Variants in FOXN3 observed in about 807,000 individuals in gnomAD.
FOXN3 encodes forkhead box N3.
Under a neutral mutation model 38.4 loss-of-function variants are expected in FOXN3, and 7 were observed. The observed-to-expected ratio is 0.18, with a 90% confidence interval of 0.10 to 0.34. The LOEUF is 0.34. Ranked by LOEUF, FOXN3 falls within the 10% of genes least tolerant of loss-of-function variation. The pLI is 1.00. For missense variants in FOXN3, 456 were observed against 613.4 expected (o/e 0.74, Z 2.71); for synonymous variants, 230 against 242.2 (o/e 0.95, Z 0.47).
intron 1 of FOXN3, among the ~76,000 whole-genome samples, chr14:89,496,715 TA>T (rs1319290664): frequency 1.3e-5 from 2 of 152,200 alleles, no homozygotes; most frequent in African/African-American, 2.4e-5. Context: ...AATATATTCA[TA>T]ATGACATGCA....
At chr14:89,193,197 C>A (rs993693147) in intron 4 of FOXN3, among the ~76,000 whole-genome samples, 2 of 151,938 alleles carry the variant, frequency 1.3e-5, no homozygotes, top group African/African-American at 4.8e-5. Context: ...GCAGGTGACT[C>A]GTACCCAAAG....
At chr14:89,546,551 A>C (rs1047801628) in intron 1 of FOXN3, among the ~76,000 whole-genome samples, 1 of 150,652 alleles carries the variant, frequency 6.6e-6, no homozygotes, top group African/African-American at 2.4e-5. Context: ...GGATGGTCTC[A>C]ATCTCTTGAC....
chr14:89,463,092 G>T (rs560996817), intron 1 of FOXN3, among the ~76,000 whole-genome samples: 14 of 150,302 alleles, frequency 9.3e-5, no homozygotes, highest in East Asian at 4.1e-4. Flanking sequence ...AGATTGAGAA[G>T]ATCTGGCTAA....
intron 3 of FOXN3, among the ~76,000 whole-genome samples, chr14:89,299,517 G>A (rs977354463): frequency 6.6e-6 from 1 of 152,184 alleles, no homozygotes; most frequent in Non-Finnish European, 1.5e-5. Context: ...CTGAAACCTG[G>A]AGGCTTTGCT....
At chr14:89,233,715 T>C (rs1245706321) in intron 4 of FOXN3, among the ~76,000 whole-genome samples, 1 of 152,238 alleles carries the variant, frequency 6.6e-6, no homozygotes. Context: ...CTCAGTGATC[T>C]GGATGTGAGA....
chr14:89,283,050 G>A (rs1886509275), intron 3 of FOXN3, among the ~76,000 whole-genome samples: 3 of 152,146 alleles, frequency 2.0e-5, no homozygotes. Flanking sequence ...CCTGGCCCCT[G>A]TTGTAATTGA....
At chr14:89,288,724 C>CTACATATATATATA (rs1886755907) in intron 3 of FOXN3, among the ~76,000 whole-genome samples, 1 of 42,780 alleles carries the variant, frequency 2.3e-5, no homozygotes, top group Non-Finnish European at 3.9e-5. Context: ...CTCTCTCTCT[C>CTACATATATATATA]TATATATATA....
chr14:89,256,348 G>A (rs1277507254), intron 4 of FOXN3, among the ~76,000 whole-genome samples: 1 of 152,198 alleles, frequency 6.6e-6, no homozygotes, highest in Non-Finnish European at 1.5e-5. Flanking sequence ...AGTTAGGCTT[G>A]GACAGATGAT....
At chr14:89,546,361 C>T (rs1483175654) in intron 1 of FOXN3, among the ~76,000 whole-genome samples, 4 of 53,744 alleles carry the variant, frequency 7.4e-5, no homozygotes. Flanking sequence ...GATGGAGTCT[C>T]GCTCTGTCAC....
chr14:89,617,251 A>C (rs1896511887), intron 1 of FOXN3, among the ~76,000 whole-genome samples: 1 of 152,246 alleles, frequency 6.6e-6, no homozygotes, highest in South Asian at 2.1e-4. Flanking sequence ...TAAAGGCTCA[A>C]ATGAAGATGT....
chr14:89,277,840 G>A (rs537977936), intron 4 of FOXN3, among the ~76,000 whole-genome samples: 218 of 152,186 alleles, frequency 1.4e-3, no homozygotes, highest in Non-Finnish European at 2.5e-3. Flanking sequence ...GCTATACAAA[G>A]GTGTCTATGA....
chr14:89,186,659 G>A (rs943028050), intron 4 of FOXN3, among the ~76,000 whole-genome samples: 5 of 152,234 alleles, frequency 3.3e-5, no homozygotes, highest in Admixed American at 3.3e-4. Context: ...TAGAGCGCGT[G>A]AGACATGGTG....
intron 4 of FOXN3, among the ~76,000 whole-genome samples, chr14:89,221,977 G>A (rs942079439): frequency 1.3e-5 from 2 of 152,004 alleles, no homozygotes; most frequent in Admixed American, 6.5e-5. Flanking sequence ...CGCCCGCCAC[G>A]GCGCCCGGCT....
intron 1 of FOXN3, among the ~76,000 whole-genome samples, chr14:89,542,682 A>T (rs1894814708): frequency 6.6e-6 from 1 of 152,176 alleles, no homozygotes; most frequent in Non-Finnish European, 1.5e-5. Flanking sequence ...AGAATTTCTG[A>T]AGTGTATTAA....
At chr14:89,572,978 T>A (rs1895524808) in intron 1 of FOXN3, among the ~76,000 whole-genome samples, 1 of 152,218 alleles carries the variant, frequency 6.6e-6, no homozygotes, top group Non-Finnish European at 1.5e-5. Flanking sequence ...CAACTTCTGT[T>A]AGCCTAACCA....
At chr14:89,291,766 T>G (rs1358470080) in intron 3 of FOXN3, among the ~76,000 whole-genome samples, 1 of 152,242 alleles carries the variant, frequency 6.6e-6, no homozygotes, top group African/African-American at 2.4e-5. Context: ...GTTTGCGAAC[T>G]GCGATTGACC....
At chr14:89,452,451 A>C (rs1442292590) in intron 1 of FOXN3, among the ~76,000 whole-genome samples, 1 of 152,178 alleles carries the variant, frequency 6.6e-6, no homozygotes, top group African/African-American at 2.4e-5. Flanking sequence ...CAGGAGCTGC[A>C]CTAATGTGGA....
chr14:89,608,490 T>C (rs377050037), intron 1 of FOXN3, among the ~76,000 whole-genome samples: 1 of 152,262 alleles, frequency 6.6e-6, no homozygotes, highest in East Asian at 1.9e-4. Flanking sequence ...ACAGCATACA[T>C]ACATATATGT....
chr14:89,452,887 G>C (rs1189982332), intron 1 of FOXN3, among the ~76,000 whole-genome samples: 1 of 152,126 alleles, frequency 6.6e-6, no homozygotes, highest in Non-Finnish European at 1.5e-5. Context: ...TGGTGTAAGA[G>C]ATAACAAACA....
Sources: allele counts gnomAD v4.1 joint callset (sites outside exome capture counted in the v4.1 genomes callset), GRCh38; gene constraint gnomAD v4.1.1; transcripts MANE v1.5; gene names NCBI Gene and HGNC (gene_info 2026-07-23, HGNC 2026-07-21).